Variants in RAB11FIP4 observed in about 807,000 individuals in gnomAD.
RAB11FIP4 encodes rab11 family-interacting protein 4.
A neutral mutation model predicts 74.3 loss-of-function variants in RAB11FIP4; 23 were observed. That is an observed-to-expected ratio of 0.31 (90% CI 0.22 to 0.44). The LOEUF is 0.44. Ranked by LOEUF, RAB11FIP4 falls within the 20% of genes least tolerant of loss-of-function variation. RAB11FIP4 has a pLI of 1.00. For missense variants in RAB11FIP4, 630 were observed against 863.9 expected, an observed-to-expected ratio of 0.73 and a Z score of 3.39; for synonymous variants, 360 against 359.9, an observed-to-expected ratio of 1.00 and a Z score of 0.00.
intron 3 of RAB11FIP4, among the ~76,000 whole-genome samples, chr17:31,492,295 G>T (rs940568637): frequency 1.3e-5 from 2 of 152,154 alleles, no homozygotes; most frequent in Non-Finnish European, 2.9e-5. Flanking sequence ...AGCAACTTTG[G>T]GTTTAGTCTG....
At chr17:31,523,824 A>G in intron 8 of RAB11FIP4, 69 bp from the exon 9 acceptor site, 1 of 1,223,356 alleles carries the variant, frequency 8.2e-7, no homozygotes, top group Non-Finnish European at 1.2e-6. Flanking sequence ...CATGAACCTC[A>G]TGGCGTCGAG....
chr17:31,448,663 G>A (rs2071493884), intron 3 of RAB11FIP4, among the ~76,000 whole-genome samples: 1 of 152,026 alleles, frequency 6.6e-6, no homozygotes, highest in African/African-American at 2.4e-5. Context: ...CAGGCTCCAG[G>A]AATGATGTAA....
chr17:31,419,886 G>A (rs1432508146), intron 1 of RAB11FIP4, among the ~76,000 whole-genome samples: 2 of 152,076 alleles, frequency 1.3e-5, no homozygotes, highest in Non-Finnish European at 2.9e-5. Context: ...TGTTTGGTTT[G>A]GGTAACAGGG....
rs59919036 is a variant in RAB11FIP4, at chr17:31,407,040, A to ATTTTTTTTTTTTTT, written c.159+15045_159+15058dup. On this transcript the variant is annotated intron_variant, in intron 1 of 14. Transcript: ENST00000621161. ...CACATTTGTTTTTTTGTTTCACTTG[A>ATTTTTTTTTTTTTT]TTTTTTTTTTTTTTTTTTTTTTTTT... Among the ~76,000 whole-genome samples, 6 of 51,208 alleles carry ATTTTTTTTTTTTTT rather than the reference A, an allele frequency of 1.2e-4. 1 individual carries two copies. Among genetic ancestry groups the ATTTTTTTTTTTTTT allele is most frequent in the South Asian group, 1.9e-3 (2 of 1,044 alleles). 33.6% of individuals were successfully genotyped at this position (51,208 alleles called of 152,430 possible).
rs2072916812 is a variant in RAB11FIP4 at position 31,533,966 on chromosome 17, T to G, written c.*2234T>G. On this transcript the variant is annotated 3_prime_UTR_variant, in exon 15 of 15. Transcript: ENST00000621161. ...CTTACTTTCTTCAGCCAGAATACAT[T>G]TCTTGTAAAACCTGGCTTGTTGCTT... is the stretch of plus-strand genomic sequence containing the variant. The G allele has an allele frequency of 6.6e-6, 1 of 152,244 alleles. No individual in the cohort carries two copies. Among genetic ancestry groups the G allele is most frequent in the Non-Finnish European group, 1.5e-5 (1 of 68,050 alleles). The allele number at this position is 152,244 out of a possible 1,614,324, so 9.4% of individuals were successfully genotyped here.
rs370268248 is a variant in RAB11FIP4 at position 31,530,014 on chromosome 17, G to A, written c.1654-312G>A. 7.2e-5 allele frequency among the ~76,000 whole-genome samples: 11 copies of A among 152,324 alleles called. 1 individual carries two copies. Among genetic ancestry groups the A allele is most frequent in the African/African-American group, 2.4e-4 (10 of 41,580 alleles). On this transcript the variant is annotated intron_variant, in intron 13 of 14. Coordinates refer to ENST00000621161, the MANE Select transcript of RAB11FIP4 (RefSeq NM_032932.6). ...CACTTCCTTCACTGGGCTGCTGGGT[G>A]GGTGATGTCCCTATGCAGGGCCTAG...
At chr17:31,450,362 T>TATTATC (rs2071514623) in intron 3 of RAB11FIP4, among the ~76,000 whole-genome samples, 1 of 146,964 alleles carries the variant, frequency 6.8e-6, no homozygotes, top group Non-Finnish European at 1.5e-5. Context: ...TTATTATTAT[T>TATTATC]GAGACAGAGT....
intron 4 of RAB11FIP4, among the ~76,000 whole-genome samples, chr17:31,520,129 A>G (rs548826993): frequency 2.2e-4 from 34 of 152,228 alleles, no homozygotes; most frequent in African/African-American, 7.2e-4. Flanking sequence ...AACTTAAAAA[A>G]TAACACAGTA....
At chr17:31,451,111 C>A (rs1022435023) in intron 3 of RAB11FIP4, among the ~76,000 whole-genome samples, 4 of 152,196 alleles carry the variant, frequency 2.6e-5, no homozygotes, top group Non-Finnish European at 5.9e-5. Flanking sequence ...CGATGGCCTG[C>A]ATTCTCTCTT....
chr17:31,447,006 C>T (rs981457523), intron 3 of RAB11FIP4, among the ~76,000 whole-genome samples: 4 of 151,854 alleles, frequency 2.6e-5, no homozygotes, highest in Non-Finnish European at 5.9e-5. Context: ...AAAAGACAGG[C>T]GGGTGCCGTG....
At chr17:31,445,614 C>G (rs2071456455) in intron 3 of RAB11FIP4, among the ~76,000 whole-genome samples, 1 of 113,450 alleles carries the variant, frequency 8.8e-6, no homozygotes, top group Non-Finnish European at 1.7e-5. Flanking sequence ...GACACGGAGT[C>G]TTGCTCTGTC....
rs546880850 is a variant in RAB11FIP4 at position 31,430,704 on chromosome 17, G to A, written c.160-1109G>A. 3.9e-5 allele frequency among the ~76,000 whole-genome samples: 6 copies of A among 152,146 alleles called. 1 individual carries two copies. In the South Asian group the frequency reaches 1.2e-3, roughly 32 times the overall value. ...TAAGTGTGGTGGAATGATACTGGAA[G>A]GTTTTAAGCAGAGGAGTGGGTGACA... On this transcript the variant is annotated intron_variant, in intron 1 of 14. Coordinates refer to ENST00000621161, the MANE Select transcript of RAB11FIP4 (RefSeq NM_032932.6).
chr17:31,518,735 A>C (rs1460592922), intron 4 of RAB11FIP4: 5 of 152,430 alleles, frequency 3.3e-5, no homozygotes, highest in African/African-American at 1.2e-4. Flanking sequence ...TCTCTAAAAA[A>C]ACCAAAAAAC....
intron 3 of RAB11FIP4, among the ~76,000 whole-genome samples, chr17:31,494,425 G>A (rs1292679908): frequency 4.0e-5 from 6 of 150,144 alleles, no homozygotes; most frequent in Non-Finnish European, 4.4e-5. Flanking sequence ...TTTGGGGTGA[G>A]CTGTTATTCT....
At chr17:31,430,672 T>C (rs2071301093) in intron 1 of RAB11FIP4, among the ~76,000 whole-genome samples, 1 of 152,084 alleles carries the variant, frequency 6.6e-6, no homozygotes, top group Admixed American at 6.6e-5. Flanking sequence ...AGTTTGGATT[T>C]TTATCCTAAG....
Position 31,532,056 on chromosome 17 carries a change from C to T in RAB11FIP4, c.*324C>T, listed in dbSNP as rs1271185609. On this transcript the variant is annotated 3_prime_UTR_variant, in exon 15 of 15. Transcript: ENST00000621161. Reference sequence around the variant, plus strand: ...AACAAGAACTGGAAGCTCGTGTTTCCGGTACTGGGTAAAATGATTCTACCT... The same window carrying T: ...AACAAGAACTGGAAGCTCGTGTTTCTGGTACTGGGTAAAATGATTCTACCT... The T allele has an allele frequency of 1.5e-5, 4 of 262,496 alleles. No homozygotes were observed. The highest frequency in any genetic ancestry group is 4.3e-5 in the African/African-American group (2 of 46,014). 16.3% of individuals were successfully genotyped at this position (262,496 alleles called of 1,614,324 possible).
At chr17:31,464,310 G>A (rs2071663379) in intron 3 of RAB11FIP4, among the ~76,000 whole-genome samples, 1 of 151,856 alleles carries the variant, frequency 6.6e-6, no homozygotes, top group African/African-American at 2.4e-5. Flanking sequence ...GCCCACTCAT[G>A]ACAGAGCAGC....
chr17:31,462,225 C>T (rs961061958), intron 3 of RAB11FIP4, among the ~76,000 whole-genome samples: 1 of 151,664 alleles, frequency 6.6e-6, no homozygotes, highest in Non-Finnish European at 1.5e-5. Flanking sequence ...GAGATCGTGC[C>T]ACCACACTCC....
chr17:31,399,271 G>A (rs1039875919), intron 1 of RAB11FIP4, among the ~76,000 whole-genome samples: 2 of 152,206 alleles, frequency 1.3e-5, no homozygotes, highest in African/African-American at 2.4e-5. Flanking sequence ...GGAAATGCCC[G>A]CTGGCCTGGA....
Sources: allele counts gnomAD v4.1 joint callset (sites outside exome capture counted in the v4.1 genomes callset), GRCh38; gene constraint gnomAD v4.1.1; transcripts MANE v1.5; gene names NCBI Gene and HGNC (gene_info 2026-07-23, HGNC 2026-07-21).